FIBCD1: variants seen among roughly 807,000 people sequenced by gnomAD.
The protein encoded by FIBCD1 is fibrinogen C domain containing 1.
A neutral mutation model predicts 45.1 loss-of-function variants in FIBCD1; 47 were observed. That is an observed-to-expected ratio of 1.04 (90% CI 0.82 to 1.33). The LOEUF is 1.33. FIBCD1 is among the 40% of genes most tolerant of loss of function. The pLI, the probability that FIBCD1 is intolerant of heterozygous loss-of-function variation, is 0.00. For synonymous variants in FIBCD1, 313 were observed against 308.1 expected (o/e 1.02, Z -0.17); for missense variants, 653 against 682.2 (o/e 0.96, Z 0.48).
chr9:130,912,805 AG>A (rs768354004), intron 4 of FIBCD1, among the ~76,000 whole-genome samples: 1 of 110,994 alleles, frequency 9.0e-6, no homozygotes, highest in Admixed American at 9.1e-5. Context: ...GGTCAAAGAA[AG>A]GGGGGGCAGA....
At chr9:130,924,852 G>A (rs1044636110) in intron 2 of FIBCD1, among the ~76,000 whole-genome samples, 1 of 152,156 alleles carries the variant, frequency 6.6e-6, no homozygotes, top group African/African-American at 2.4e-5. Context: ...GTCTCCCCTG[G>A]CCTGGCCAAA....
At chr9:130,907,898 C>CAAA (rs11301443) in intron 5 of FIBCD1, among the ~76,000 whole-genome samples, 3 of 78,694 alleles carry the variant, frequency 3.8e-5, no homozygotes, top group African/African-American at 9.1e-5. Context: ...GACTCTGTCT[C>CAAA]AAAAAAAAAA....
intron 4 of FIBCD1, among the ~76,000 whole-genome samples, chr9:130,912,458 G>C (rs1335625672): frequency 6.7e-6 from 1 of 148,636 alleles, no homozygotes; most frequent in Non-Finnish European, 1.5e-5. Flanking sequence ...TGTAATCCCA[G>C]AACTTTGGGA....
At chr9:130,911,972 T>A in intron 4 of FIBCD1, 84 bp from the exon 5 acceptor site, 1 of 1,263,958 alleles carries the variant, frequency 7.9e-7, no homozygotes. Context: ...GCCCAGAGAC[T>A]CCCCTCACCC....
chr9:130,907,770 G>A (rs888919309), intron 5 of FIBCD1, among the ~76,000 whole-genome samples: 1 of 151,892 alleles, frequency 6.6e-6, no homozygotes, highest in African/African-American at 2.4e-5. Flanking sequence ...GTGGTGGCGG[G>A]CGCCTGTAAT....
chr9:130,922,759 G>C lies in FIBCD1; in HGVS notation c.849+985C>G, dbSNP rs1832283989. On this transcript the variant is annotated intron_variant, in intron 4 of 6. Transcript: ENST00000372338. This position sits in a 1 kb window ranked among gnomAD's most constrained non-coding sequence, Gnocchi z 4.5. ...CTGTGTGTCCCAACCCTGCAGCCTG[G>C]GGCTGGAACACTCCAGCCTCATCTC... 6.6e-6 allele frequency among the ~76,000 whole-genome samples: 1 copy of C among 151,974 alleles called. No homozygotes were observed. The highest frequency in any genetic ancestry group is 1.5e-5 in the Non-Finnish European group (1 of 68,000).
rs553463483 is a variant in FIBCD1 at position 130,909,358 on chromosome 9, C to G, written c.946+2434G>C. ...TTAAGTGCAGGAGGACACTGTGGGGCATTCGAGGCCGCCCAGATGACACTC... is the reference window on the plus strand; with the variant it reads ...TTAAGTGCAGGAGGACACTGTGGGGGATTCGAGGCCGCCCAGATGACACTC... On this transcript the variant is annotated intron_variant, in intron 5 of 6. Coordinates refer to ENST00000372338, the MANE Select transcript of FIBCD1 (RefSeq NM_032843.5). Among the ~76,000 whole-genome samples the G allele has an allele frequency of 2.0e-5, 3 of 150,504 alleles. No individual in the cohort carries two copies. In the East Asian group the frequency reaches 6.0e-4, roughly 30 times the overall value.
rs144181457 is a variant in FIBCD1, at chr9:130,911,831, G to C, written c.907C>G (p.Arg303Gly). The C allele has an allele frequency of 4.5e-3, 7,263 of 1,604,642 alleles. 49 individuals carry two copies. The highest frequency in any genetic ancestry group is 0.023 in the Middle Eastern group (139 of 5,990). ...VNFFRGWDAY[R>G]DGFGRLTGEH... is the part of the protein sequence containing the mutation. ...CCGGTGAGCCTGCCAAAGCCGTCTC[G>C]GTACGCATCCCAGCCCCGGAAGAAG... The change falls in exon 5 of 7, where the codon CGA (arginine) becomes GGA (glycine). Residue 303 changes from arginine to glycine, a missense_variant. Arg to Gly is a moderately radical substitution (Grantham distance 125). Coordinates refer to ENST00000372338, the MANE Select transcript of FIBCD1 (RefSeq NM_032843.5).
chr9:130,939,954 G>A (rs1483433209), upstream of FIBCD1, among the ~76,000 whole-genome samples: 1 of 118,790 alleles, frequency 8.4e-6, no homozygotes. Flanking sequence ...CCCCTCCTCC[G>A]CCCCTTTCTG....
chr9:130,929,535 G>A, intron 2 of FIBCD1, 32 bp downstream of exon 2: 1 of 1,488,238 alleles, frequency 6.7e-7, no homozygotes, highest in Non-Finnish European at 8.9e-7. Flanking sequence ...CTCGCCTCCA[G>A]CAAGACCCCA....
At position 130,905,338 on chromosome 9, in the gene FIBCD1, C is replaced by G. The variant is rs760142439; in HGVS notation, c.1022G>C (p.Gly341Ala). ...GCTCCCGTAGCGGGCATAGGCCGTG[C>G]CATTCTCAAAGTCCTCCAGGTCCAC... ...LHVDLEDFENGTAYARYGSFG... is the reference protein window; with the variant it reads ...LHVDLEDFENATAYARYGSFG... The change falls in exon 6 of 7, where the codon GGC (glycine) becomes GCC (alanine). Residue 341 changes from glycine (G) to alanine (A), a missense_variant. Coordinates refer to ENST00000372338, the MANE Select transcript of FIBCD1 (RefSeq NM_032843.5). The G allele has an allele frequency of 1.3e-5, 21 of 1,613,890 alleles. No individual in the cohort carries two copies. The African/African-American group carries it at 1.5e-4, about 11-fold the overall frequency.
intron 5 of FIBCD1, among the ~76,000 whole-genome samples, chr9:130,909,747 G>A (rs976866893): frequency 6.8e-6 from 1 of 146,492 alleles, no homozygotes; most frequent in Non-Finnish European, 1.5e-5. Context: ...ATTTTGTTTA[G>A]ATAGTGAAAT....
intron 2 of FIBCD1, 44 bp from the exon 3 acceptor site, chr9:130,924,440 G>C: frequency 6.5e-7 from 1 of 1,549,542 alleles, no homozygotes; most frequent in Non-Finnish European, 8.7e-7. Context: ...GGGCTCTGTT[G>C]GGGGTGGGGT....
intron 1 of FIBCD1, chr9:130,936,454 T>C (rs914789401): frequency 4.6e-5 from 7 of 152,316 alleles, no homozygotes; most frequent in African/African-American, 7.2e-5. Flanking sequence ...AGCGGGTGCT[T>C]GCTATTGGCC....
At chr9:130,927,058 C>G (rs553451990) in intron 2 of FIBCD1, among the ~76,000 whole-genome samples, 1 of 151,970 alleles carries the variant, frequency 6.6e-6, no homozygotes, top group Non-Finnish European at 1.5e-5. Context: ...AGCACCATAG[C>G]AAGACCTCTC....
intron 5 of FIBCD1, among the ~76,000 whole-genome samples, chr9:130,907,649 C>T (rs972009369): frequency 6.6e-6 from 1 of 152,106 alleles, no homozygotes; most frequent in African/African-American, 2.4e-5. Flanking sequence ...CCTGTAATTC[C>T]AGCACTTTGG....
At chr9:130,908,927 A>G (rs1054937780) in intron 5 of FIBCD1, among the ~76,000 whole-genome samples, 4 of 151,750 alleles carry the variant, frequency 2.6e-5, no homozygotes, top group African/African-American at 9.7e-5. Context: ...CCGCCTCACC[A>G]CCCCAACCCT....
intron 4 of FIBCD1, among the ~76,000 whole-genome samples, chr9:130,915,727 G>C (rs952149732): frequency 5.9e-5 from 9 of 152,158 alleles, no homozygotes; most frequent in African/African-American, 2.2e-4. Flanking sequence ...ATAAACTGCA[G>C]CAACTGTCGG....
upstream of FIBCD1, among the ~76,000 whole-genome samples, chr9:130,939,999 C>G (rs1424354050): frequency 1.3e-5 from 2 of 151,912 alleles, no homozygotes; most frequent in Non-Finnish European, 2.9e-5. Flanking sequence ...CAGCTCCAGA[C>G]AGACCCCCGT....
Sources: gnomAD v4.1 joint callset for allele counts (sites outside exome capture counted in the v4.1 genomes callset) on GRCh38, gnomAD v4.1.1 for gene constraint, Gnocchi (gnomAD v3.1) non-coding constraint, MANE v1.5 for transcripts, NCBI Gene and HGNC (gene_info 2026-07-23, HGNC 2026-07-21) for gene names.